Variants in SDK1 observed in about 807,000 individuals in gnomAD.
SDK1 encodes protein sidekick-1.
In SDK1, 157 loss-of-function variants were observed where a neutral mutation model predicts 245.5. The ratio of observed to expected loss-of-function variants is 0.64; its 90% CI spans 0.56 to 0.73. SDK1 has a LOEUF of 0.73. SDK1 is among the 30% of genes least tolerant of loss of function. SDK1 has a pLI of 0.00. For synonymous variants in SDK1, 1,647 were observed against 1,278.5 expected (o/e 1.29, Z -6.15); for missense variants, 3,583 against 3,002.3 (o/e 1.19, Z -4.52).
chr7:4,188,512 G>C (rs1783014226), intron 35 of SDK1, among the ~76,000 whole-genome samples: 1 of 152,094 alleles, frequency 6.6e-6, no homozygotes. Flanking sequence ...GTTTGATCAT[G>C]TCTATGGCAA....
At chr7:4,202,508 G>C (rs146300125) in intron 35 of SDK1, among the ~76,000 whole-genome samples, 1 of 152,204 alleles carries the variant, frequency 6.6e-6, no homozygotes, top group Admixed American at 6.5e-5. Flanking sequence ...GTTTGGTCAC[G>C]TGGGGCCAGA....
At chr7:3,479,025 C>G (rs1183485580) in intron 1 of SDK1, among the ~76,000 whole-genome samples, 2 of 152,014 alleles carry the variant, frequency 1.3e-5, no homozygotes, top group African/African-American at 4.8e-5. Flanking sequence ...GCTTAGAGGA[C>G]TTGAGGTGTA....
In SDK1 at chr7:3,623,600, A is replaced by T. The variant is rs550194537; in HGVS notation, c.458+4361A>T. Among the ~76,000 whole-genome samples the T allele has an allele frequency of 3.3e-4, 51 of 152,292 alleles. No individual in the cohort carries two copies. The South Asian group carries it at 0.01, about 31-fold the overall frequency. On this transcript the variant is annotated intron_variant, in intron 2 of 44. Coordinates refer to ENST00000404826, the MANE Select transcript of SDK1 (RefSeq NM_152744.4). ...ACATTTTGGTGGCACAGGTGACTAC[A>T]TTAGCAAGTTGACGGTAATTCAGCA...
Position 3,975,007 on chromosome 7 carries a change from A to G in SDK1, c.1994+462A>G, listed in dbSNP as rs562003741. 2.0e-5 allele frequency among the ~76,000 whole-genome samples: 3 copies of G among 151,980 alleles called. No individual in the cohort carries two copies. In the East Asian group the frequency reaches 5.8e-4, roughly 29 times the overall value. On this transcript the variant is annotated intron_variant, in intron 13 of 44. Transcript: ENST00000404826. The stretch of plus-strand genomic sequence containing the variant: ...GTCCCAGCTGCCCCTCCGTGGGTAA[A>G]TAGATACTTTAAGTTAAGTCTTGTG...
chr7:4,223,215 T>C (rs1441990889), intron 40 of SDK1, among the ~76,000 whole-genome samples: 2 of 152,062 alleles, frequency 1.3e-5, no homozygotes, highest in African/African-American at 2.4e-5. Flanking sequence ...CGTTCACAAA[T>C]AGAATTCAGG....
intron 4 of SDK1, among the ~76,000 whole-genome samples, chr7:3,805,143 A>T (rs1156495640): frequency 2.6e-5 from 4 of 152,254 alleles, no homozygotes; most frequent in Non-Finnish European, 4.4e-5. Context: ...TACAATTTTT[A>T]TTCGTCCATT....
chr7:3,533,037 A>G (rs939595089), intron 1 of SDK1, among the ~76,000 whole-genome samples: 2 of 152,196 alleles, frequency 1.3e-5, no homozygotes, highest in Non-Finnish European at 2.9e-5. Flanking sequence ...GAAAAATCAA[A>G]ACAGTCCAAT....
intron 22 of SDK1, among the ~76,000 whole-genome samples, chr7:4,093,875 T>C (rs1241905277): frequency 6.6e-6 from 1 of 152,158 alleles, no homozygotes; most frequent in Non-Finnish European, 1.5e-5. Flanking sequence ...GTATGGGGCT[T>C]TCTGTTTCTC....
intron 44 of SDK1, among the ~76,000 whole-genome samples, chr7:4,246,400 C>T (rs147665789): frequency 1.1e-3 from 161 of 152,174 alleles, no homozygotes; most frequent in African/African-American, 3.6e-3. Flanking sequence ...ACTCCTGCCT[C>T]GGAGGCCCAT....
At chr7:3,322,267 G>C (rs1779836676) in intron 1 of SDK1, among the ~76,000 whole-genome samples, 1 of 152,058 alleles carries the variant, frequency 6.6e-6, no homozygotes, top group South Asian at 2.1e-4. Context: ...GGCTGCTTTT[G>C]CCTGGTGTGA....
intron 22 of SDK1, among the ~76,000 whole-genome samples, chr7:4,086,876 G>C (rs544346901): frequency 1.3e-5 from 2 of 152,156 alleles, no homozygotes; most frequent in South Asian, 4.1e-4. Context: ...TTGTATTTTT[G>C]CCACTGTATC....
At chr7:3,485,455 T>C (rs1486751856) in intron 1 of SDK1, among the ~76,000 whole-genome samples, 1 of 152,112 alleles carries the variant, frequency 6.6e-6, no homozygotes, top group Non-Finnish European at 1.5e-5. Flanking sequence ...TTGCTTTCCC[T>C]ACCCCAAGCA....
At chr7:4,221,448 T>C (rs553342271) in intron 40 of SDK1, 84 bp downstream of exon 40, 144 of 1,469,890 alleles carry the variant, frequency 9.8e-5, no homozygotes, top group Non-Finnish European at 1.2e-4. Context: ...TCCATCACTT[T>C]CTCTTTCAGC....
At chr7:3,543,550 A>G (rs1231052724) in intron 1 of SDK1, among the ~76,000 whole-genome samples, 1 of 152,212 alleles carries the variant, frequency 6.6e-6, no homozygotes, top group Non-Finnish European at 1.5e-5. Flanking sequence ...AATAAGGATG[A>G]CACATAGCCA....
intron 1 of SDK1, among the ~76,000 whole-genome samples, chr7:3,381,723 C>A (rs1270713933): frequency 6.6e-6 from 1 of 152,096 alleles, no homozygotes; most frequent in Non-Finnish European, 1.5e-5. Flanking sequence ...AAGCACCTCT[C>A]CTTCCCTAAA....
chr7:4,220,757 C>A (rs1464937617), intron 39 of SDK1, among the ~76,000 whole-genome samples: 2 of 151,894 alleles, frequency 1.3e-5, no homozygotes, highest in African/African-American at 4.8e-5. Context: ...CTTTCAGGCC[C>A]TCTTCAGGTT....
intron 5 of SDK1, among the ~76,000 whole-genome samples, chr7:3,866,529 G>C (rs964759506): frequency 1.3e-5 from 2 of 151,730 alleles, no homozygotes; most frequent in Non-Finnish European, 2.9e-5. Flanking sequence ...CTGGGTTACA[G>C]CTCCCAAGGG....
intron 1 of SDK1, among the ~76,000 whole-genome samples, chr7:3,376,174 G>A (rs1454109497): frequency 1.3e-5 from 2 of 152,136 alleles, no homozygotes; most frequent in African/African-American, 4.8e-5. Flanking sequence ...TCCAGCCCGG[G>A]TGACAGAGTG....
chr7:3,798,286 C>A (rs894573637), intron 4 of SDK1, among the ~76,000 whole-genome samples: 1 of 142,068 alleles, frequency 7.0e-6, no homozygotes, highest in African/African-American at 2.7e-5. Context: ...GGCGCGATCT[C>A]AGCTCACTGC....
Sources: allele counts gnomAD v4.1 joint callset (sites outside exome capture counted in the v4.1 genomes callset), GRCh38; gene constraint gnomAD v4.1.1; transcripts MANE v1.5; gene names NCBI Gene and HGNC (gene_info 2026-07-23, HGNC 2026-07-21).